ZDHHC15: variants seen among roughly 807,000 people sequenced by gnomAD.
ZDHHC15 encodes zDHHC palmitoyltransferase 15, also known as palmitoyltransferase ZDHHC15.
ZDHHC15 carries 19 observed loss-of-function variants against 31.7 expected under a neutral mutation model. That is an observed-to-expected ratio of 0.60 (90% CI 0.42 to 0.88). ZDHHC15 has a LOEUF of 0.88. Among genes scored for constraint, ZDHHC15 ranks in the 40% least tolerant of loss-of-function variants. ZDHHC15 has a pLI of 0.00. For missense variants in ZDHHC15, 209 were observed against 251.2 expected, an observed-to-expected ratio of 0.83 and a Z score of 1.14; for synonymous variants, 103 against 90.0, an observed-to-expected ratio of 1.14 and a Z score of -0.82.
At chrX:75,395,252 A>G (rs1323028420) in intron 10 of ZDHHC15, among the ~76,000 whole-genome samples, 1 of 111,867 alleles carries the variant, frequency 8.9e-6, no homozygotes, top group Non-Finnish European at 1.9e-5. Flanking sequence ...ATTGGAATGG[A>G]AAAAGTCAAG....
chrX:75,406,570 C>T (rs906728302), intron 10 of ZDHHC15, among the ~76,000 whole-genome samples: 1 of 110,275 alleles, frequency 9.1e-6, no homozygotes. Flanking sequence ...AAAAACTATA[C>T]ACCAACAAAT....
intron 3 of ZDHHC15, among the ~76,000 whole-genome samples, chrX:75,462,734 G>A (rs1364148805): frequency 1.8e-5 from 2 of 111,368 alleles, no homozygotes; most frequent in Non-Finnish European, 3.8e-5. Flanking sequence ...AGAACCAAAA[G>A]ACAATGTACC....
intron 1 of ZDHHC15, among the ~76,000 whole-genome samples, chrX:75,517,223 G>C (rs1234214495): frequency 9.0e-6 from 1 of 111,454 alleles, no homozygotes; most frequent in African/African-American, 3.3e-5. Context: ...TTGACCCAGA[G>C]ATCCCATTAC....
intron 1 of ZDHHC15, among the ~76,000 whole-genome samples, chrX:75,506,427 T>C (rs2085165401): frequency 8.9e-6 from 1 of 112,102 alleles, no homozygotes; most frequent in African/African-American, 3.2e-5. Context: ...TTTCTTTTTT[T>C]CTTCACATAT....
At chrX:75,398,323 C>G (rs1282129988) in intron 10 of ZDHHC15, among the ~76,000 whole-genome samples, 1 of 112,125 alleles carries the variant, frequency 8.9e-6, no homozygotes. Context: ...GCTCCTCTAC[C>G]AAAACAAAGC....
At chrX:75,439,628 A>G (rs933361728) in intron 4 of ZDHHC15, among the ~76,000 whole-genome samples, 1 of 111,830 alleles carries the variant, frequency 8.9e-6, no homozygotes, top group Non-Finnish European at 1.9e-5. Flanking sequence ...CCCTCCTTGA[A>G]CAGCTTAATA....
intron 1 of ZDHHC15, among the ~76,000 whole-genome samples, chrX:75,509,262 A>G (rs2085221091): frequency 8.9e-6 from 1 of 112,038 alleles, no homozygotes; most frequent in Non-Finnish European, 1.9e-5. Flanking sequence ...AATTTTTGCC[A>G]TATACTCATA....
intron 2 of ZDHHC15, among the ~76,000 whole-genome samples, chrX:75,484,705 C>T (rs928800663): frequency 6.3e-5 from 7 of 111,793 alleles, no homozygotes; most frequent in African/African-American, 1.9e-4. Context: ...CCCAAGAATC[C>T]CACAGCTAGG....
At chrX:75,506,981 T>A (rs1181274938) in intron 1 of ZDHHC15, among the ~76,000 whole-genome samples, 1 of 111,190 alleles carries the variant, frequency 9.0e-6, no homozygotes, top group Non-Finnish European at 1.9e-5. Context: ...GGAAAGTCAC[T>A]TAGTACTTGT....
At chrX:75,498,466 T>C (rs1306886501) in intron 2 of ZDHHC15, among the ~76,000 whole-genome samples, 1 of 111,743 alleles carries the variant, frequency 8.9e-6, no homozygotes, top group Non-Finnish European at 1.9e-5. Context: ...TCAGTGTACA[T>C]AAATCAGTAG....
At chrX:75,522,014 A>G (rs1373116684) in intron 1 of ZDHHC15, among the ~76,000 whole-genome samples, 2 of 111,338 alleles carry the variant, frequency 1.8e-5, no homozygotes, top group East Asian at 5.7e-4. Flanking sequence ...ATCATGTGAC[A>G]ATAGCAGGGT....
chrX:75,464,009 A>T (rs1329123028), intron 3 of ZDHHC15, among the ~76,000 whole-genome samples: 1 of 112,027 alleles, frequency 8.9e-6, no homozygotes, highest in East Asian at 2.8e-4. Flanking sequence ...GGCACTATTC[A>T]CAAAAGCAAA....
chrX:75,412,745 A>T (rs913112645), intron 10 of ZDHHC15, among the ~76,000 whole-genome samples: 18 of 111,821 alleles, frequency 1.6e-4, no homozygotes, highest in African/African-American at 4.9e-4. Flanking sequence ...TTCAGTTTTT[A>T]AAAAGAAGGC....
At chrX:75,436,310 C>T (rs192520437) in intron 4 of ZDHHC15, among the ~76,000 whole-genome samples, 2 of 111,296 alleles carry the variant, frequency 1.8e-5, no homozygotes, top group Non-Finnish European at 3.8e-5. Context: ...CTTTTGTATT[C>T]TTATTTTTTG....
intron 9 of ZDHHC15, among the ~76,000 whole-genome samples, chrX:75,418,421 C>CTAGA (rs1317532440): frequency 2.7e-5 from 3 of 111,943 alleles, no homozygotes; most frequent in Non-Finnish European, 5.6e-5. Flanking sequence ...AAGCTCTGCT[C>CTAGA]TAGAACTAGT....
intron 10 of ZDHHC15, among the ~76,000 whole-genome samples, chrX:75,387,261 A>G (rs2083189790): frequency 8.9e-6 from 1 of 112,363 alleles, no homozygotes; most frequent in African/African-American, 3.2e-5. Context: ...ATGCAAAAAC[A>G]GACATGCATC....
At chrX:75,506,986 A>G (rs1191207045) in intron 1 of ZDHHC15, among the ~76,000 whole-genome samples, 1 of 111,210 alleles carries the variant, frequency 9.0e-6, no homozygotes, top group Non-Finnish European at 1.9e-5. Flanking sequence ...GTCACTTAGT[A>G]CTTGTAGATA....
In ZDHHC15 at chrX:75,372,890, C is replaced by T. The variant is rs952917650; in HGVS notation, c.*88G>A. 1.8e-5 allele frequency: 2 copies of T among 111,738 alleles called. No individual in the cohort carries two copies. Among genetic ancestry groups the T allele is most frequent in the African/African-American group, 6.5e-5 (2 of 30,742 alleles). The allele number at this position is 111,738 out of a possible 1,213,427, so 9.2% of individuals were successfully genotyped here. A position where few individuals can be genotyped will look rare whatever the true frequency, so the allele number is the denominator to read the frequency against. ...ACACGGTGACTTATTTTGAAGATTA[C>T]AATGATTTCCAACATTGAACTCTGT... On this transcript the variant is annotated 3_prime_UTR_variant, in exon 12 of 12. Coordinates refer to ENST00000373367, the MANE Select transcript of ZDHHC15 (RefSeq NM_144969.3).
chrX:75,444,522 G>T (rs1441805388), intron 4 of ZDHHC15, among the ~76,000 whole-genome samples: 12 of 101,979 alleles, frequency 1.2e-4, no homozygotes, highest in Admixed American at 4.3e-4. Flanking sequence ...AATGTAAATG[G>T]CGAGTTAATG....
Sources: gnomAD v4.1 joint callset for allele counts (sites outside exome capture counted in the v4.1 genomes callset) on GRCh38, gnomAD v4.1.1 for gene constraint, MANE v1.5 for transcripts, NCBI Gene and HGNC (gene_info 2026-07-23, HGNC 2026-07-21) for gene names.